MSI2: variants seen among roughly 807,000 people sequenced by gnomAD.
The protein encoded by MSI2 is RNA-binding protein Musashi homolog 2.
Under a neutral mutation model 45.6 loss-of-function variants are expected in MSI2, and 17 were observed. The observed-to-expected ratio is 0.37, with a 90% CI of 0.26 to 0.56. The LOEUF (loss-of-function observed/expected upper bound fraction) is 0.56. Among genes scored for constraint, MSI2 ranks in the 20% least tolerant of loss-of-function variants. The pLI, the probability that MSI2 is intolerant of heterozygous loss-of-function variation, is 0.77. For missense variants in MSI2, 293 were observed against 444.2 expected, an observed-to-expected ratio of 0.66 and a Z score of 3.06; for synonymous variants, 156 against 158.2, an observed-to-expected ratio of 0.99 and a Z score of 0.11.
chr17:57,418,387 T>C (rs1480882269), intron 6 of MSI2, among the ~76,000 whole-genome samples: 1 of 152,232 alleles, frequency 6.6e-6, no homozygotes, highest in East Asian at 1.9e-4. Flanking sequence ...AAAGGTACAT[T>C]GTATTGTCTG....
chr17:57,257,131 C>G lies in MSI2; in HGVS notation c.96C>G (p.Thr32=). The change falls in exon 2 of 14, where the codon ACC becomes ACG. Residue 32 remains threonine, a synonymous_variant. Transcript: ENST00000284073. ...KMFIGGLSWQ[T]SPDSLRDYFS... ...TTATCGGTGGACTGAGCTGGCAGACCTCACCAGGTAAGGGAGGGAGGGGGG... is the reference window on the plus strand; with the variant it reads ...TTATCGGTGGACTGAGCTGGCAGACGTCACCAGGTAAGGGAGGGAGGGGGG... The G allele has an allele frequency of 6.8e-7, 1 of 1,471,674 alleles. No homozygotes were observed. The highest frequency in any genetic ancestry group is 9.4e-7 in the Non-Finnish European group (1 of 1,067,246). 91.2% of individuals were successfully genotyped at this position (1,471,674 alleles called of 1,614,324 possible). A position where few individuals can be genotyped will look rare whatever the true frequency, so the allele number is the denominator to read the frequency against.
intron 5 of MSI2, among the ~76,000 whole-genome samples, chr17:57,336,409 G>T (rs1231421891): frequency 6.6e-6 from 1 of 152,186 alleles, no homozygotes; most frequent in East Asian, 1.9e-4. Flanking sequence ...TTTTCTTTGG[G>T]AAAGAGTTGG....
intron 7 of MSI2, among the ~76,000 whole-genome samples, chr17:57,554,539 G>T (rs931497491): frequency 3.3e-5 from 5 of 152,178 alleles, no homozygotes; most frequent in African/African-American, 4.8e-5. Context: ...CCTCCTTGGT[G>T]TTGAAAGATA....
chr17:57,669,662 C>T (rs201636637), intron 11 of MSI2, among the ~76,000 whole-genome samples: 3 of 152,222 alleles, frequency 2.0e-5, no homozygotes, highest in African/African-American at 7.2e-5. Flanking sequence ...TGGATTAACA[C>T]AGCCTCTGCC....
chr17:57,453,663 A>G (rs908447792), intron 6 of MSI2, among the ~76,000 whole-genome samples: 2 of 152,192 alleles, frequency 1.3e-5, no homozygotes, highest in Admixed American at 6.5e-5. Context: ...CATTTAACCT[A>G]TCTATGCCTA....
At chr17:57,623,489 A>G (rs931155494) in intron 9 of MSI2, among the ~76,000 whole-genome samples, 3 of 152,224 alleles carry the variant, frequency 2.0e-5, no homozygotes, top group Non-Finnish European at 4.4e-5. Context: ...AAATGAGCTC[A>G]GTGGCAAATC....
rs1913394720 is a variant in MSI2 at position 57,678,530 on chromosome 17, A to G, written c.*32-1019A>G. On this transcript the variant is annotated intron_variant, in intron 13 of 13. Transcript: ENST00000284073. ...ATGAAGAGGGGGTTAAACAACTACC[A>G]GGCACAGCAGACCCTTGAAAGGCCA... 3.3e-5 allele frequency among the ~76,000 whole-genome samples: 5 copies of G among 152,312 alleles called. No individual in the cohort carries two copies. In the South Asian group the frequency reaches 1.0e-3, roughly 32 times the overall value.
intron 7 of MSI2, among the ~76,000 whole-genome samples, chr17:57,558,646 A>G (rs1377998094): frequency 6.6e-6 from 1 of 152,224 alleles, no homozygotes; most frequent in Non-Finnish European, 1.5e-5. Flanking sequence ...CCCTTCTGCC[A>G]GTTATAAAGC....
chr17:57,372,181 A>G (rs1344123090), intron 5 of MSI2, among the ~76,000 whole-genome samples: 1 of 152,160 alleles, frequency 6.6e-6, no homozygotes, highest in Non-Finnish European at 1.5e-5. Context: ...TGAATTGCTT[A>G]TTTTAAACAG....
In MSI2 at chr17:57,256,718, G is replaced by C; in HGVS notation, c.-25G>C. 1 of 687,044 alleles carries C rather than the reference G, an allele frequency of 1.5e-6. No homozygotes were observed. The highest frequency in any genetic ancestry group is 2.1e-6 in the Non-Finnish European group (1 of 486,032). The allele number at this position is 687,044 out of a possible 1,614,324, so 42.6% of individuals were successfully genotyped here. A position where few individuals can be genotyped will look rare whatever the true frequency, so the allele number is the denominator to read the frequency against. ...TCGCTGTGGGGCTTGGTTTTTTGGG[G>C]GTGGGGGGGCGGGGGGGCTCAGATA... On this transcript the variant is annotated 5_prime_UTR_variant, in exon 1 of 14. Transcript: ENST00000284073.
chr17:57,462,567 A>G (rs1391100434), intron 6 of MSI2, among the ~76,000 whole-genome samples: 1 of 152,256 alleles, frequency 6.6e-6, no homozygotes, highest in Non-Finnish European at 1.5e-5. Flanking sequence ...TGGACAAGAA[A>G]AAGGGTATAT....
intron 7 of MSI2, among the ~76,000 whole-genome samples, chr17:57,580,528 T>A (rs1049965197): frequency 1.3e-5 from 2 of 152,228 alleles, no homozygotes; most frequent in African/African-American, 4.8e-5. Flanking sequence ...CCAGTGCTGG[T>A]CTTGCTAGCT....
chr17:57,563,705 C>T (rs1006604591), intron 7 of MSI2, among the ~76,000 whole-genome samples: 5 of 150,096 alleles, frequency 3.3e-5, no homozygotes, highest in Admixed American at 2.0e-4. Context: ...GTCTGTCTGT[C>T]TGTCTCTCTC....
At chr17:57,453,090 A>G (rs1375075607) in intron 6 of MSI2, among the ~76,000 whole-genome samples, 1 of 142,410 alleles carries the variant, frequency 7.0e-6, no homozygotes, top group Non-Finnish European at 1.5e-5. Flanking sequence ...TGCAACCTCC[A>G]CCTCCTGGGT....
At chr17:57,320,952 A>C (rs1364403181) in intron 5 of MSI2, among the ~76,000 whole-genome samples, 1 of 151,968 alleles carries the variant, frequency 6.6e-6, no homozygotes, top group Non-Finnish European at 1.5e-5. Flanking sequence ...CCTTCCCTGC[A>C]TCTGGGCCCC....
chr17:57,545,903 T>A (rs1359137171), intron 7 of MSI2, among the ~76,000 whole-genome samples: 1 of 151,192 alleles, frequency 6.6e-6, no homozygotes, highest in Non-Finnish European at 1.5e-5. Flanking sequence ...TACATCTGAG[T>A]CGCCTGAAGT....
chr17:57,378,260 T>C (rs190024051), intron 5 of MSI2, among the ~76,000 whole-genome samples: 10 of 151,998 alleles, frequency 6.6e-5, no homozygotes, highest in African/African-American at 2.4e-4. Context: ...AAATTTTGTT[T>C]TTTGTTTTTA....
intron 5 of MSI2, among the ~76,000 whole-genome samples, chr17:57,382,380 G>T (rs1039833700): frequency 6.6e-6 from 1 of 152,166 alleles, no homozygotes; most frequent in Non-Finnish European, 1.5e-5. Context: ...AGTTAAGGAA[G>T]GCCTAGTGGA....
At chr17:57,692,708 T>G in the MSI2 span, among the ~76,000 whole-genome samples, 3 of 135,160 alleles carry the variant, frequency 2.2e-5, no homozygotes, top group Admixed American at 2.3e-4. Flanking sequence ...GGATTTTGTG[T>G]TGACAGGTTT....
Sources: gnomAD v4.1 joint callset for allele counts (sites outside exome capture counted in the v4.1 genomes callset) on GRCh38, gnomAD v4.1.1 for gene constraint, MANE v1.5 for transcripts, NCBI Gene and HGNC (gene_info 2026-07-23, HGNC 2026-07-21) for gene names.